USP6: variants seen among roughly 807,000 people sequenced by gnomAD.
The protein encoded by USP6 is ubiquitin carboxyl-terminal hydrolase 6.
A neutral mutation model predicts 175.7 loss-of-function variants in USP6; 128 were observed. That is an observed-to-expected ratio of 0.73 (90% CI 0.63 to 0.84). The LOEUF (loss-of-function observed/expected upper bound fraction) is 0.84, where lower values mean the gene tolerates loss of function less well. Among genes scored for constraint, USP6 ranks in the 40% least tolerant of loss-of-function variants. USP6 has a pLI of 0.00. For synonymous variants in USP6, 562 were observed against 630.6 expected (o/e 0.89, Z 1.63); for missense variants, 1,498 against 1,760.3 (o/e 0.85, Z 2.67).
rs2073304609 is a variant in USP6 at position 5,137,765 on chromosome 17, G to A, written c.925+15G>A. On this transcript the variant is annotated intron_variant, in intron 20 of 37. Coordinates refer to ENST00000574788, the MANE Select transcript of USP6 (RefSeq NM_001304284.2). ...GGTTCAGCAGAGTAAGTCTACGTGTGCCCAGTGGGGCCTGGGGAGCCCTGC... is the reference window on the plus strand; with the variant it reads ...GGTTCAGCAGAGTAAGTCTACGTGTACCCAGTGGGGCCTGGGGAGCCCTGC... 1.4e-5 allele frequency: 22 copies of A among 1,606,064 alleles called. No individual in the cohort carries two copies. Among genetic ancestry groups the A allele is most frequent in the Non-Finnish European group, 1.9e-5 (22 of 1,175,618 alleles).
chr17:5,148,638 T>C lies in USP6; in HGVS notation c.2514T>C (p.Asn838=), dbSNP rs781418704. The change falls in exon 30 of 38, where the codon AAT becomes AAC. Residue 838 remains asparagine (N), a synonymous_variant. Coordinates refer to ENST00000574788, the MANE Select transcript of USP6 (RefSeq NM_001304284.2). The part of the protein sequence containing the change: ...GDLPKPIFIP[N]GMPNTVVPCG... ...TACCCAAACCAATATTCATCCCCAA[T>C]GGAATGCCAAACACTGTTGTGCCAT... The C allele has an allele frequency of 2.5e-6, 4 of 1,613,838 alleles. No homozygotes were observed. The African/African-American group carries it at 5.3e-5, about 22-fold the overall frequency.
At chr17:5,164,551 C>A (rs1239862018) in intron 33 of USP6, among the ~76,000 whole-genome samples, 1 of 152,214 alleles carries the variant, frequency 6.6e-6, no homozygotes, top group East Asian at 1.9e-4. Context: ...CTCTTTTTAA[C>A]AAATCCAGTG....
At chr17:5,170,129 G>A (rs2074181169) in intron 35 of USP6, among the ~76,000 whole-genome samples, 1 of 149,730 alleles carries the variant, frequency 6.7e-6, no homozygotes, top group Non-Finnish European at 1.5e-5. Flanking sequence ...CACATTTTTT[G>A]TCTAATTTTA....
At chr17:5,151,460 TG>T (rs2073770802) in intron 30 of USP6, among the ~76,000 whole-genome samples, 1 of 150,824 alleles carries the variant, frequency 6.6e-6, no homozygotes, top group Admixed American at 6.6e-5. Flanking sequence ...TGTGTGTGTG[TG>T]TGTGGTGTGT....
rs754650097 is a variant in USP6, at chr17:5,132,479, A to T, written c.195+44A>T. 4.3e-6 allele frequency: 7 copies of T among 1,611,870 alleles called. No individual in the cohort carries two copies. In the South Asian group the frequency reaches 7.7e-5, roughly 18 times the overall value. ...GAGGGGCTGGTCCAGGGACGTAGGG[A>T]CTGGGCGGGTGGTCAGTGAGGCAGA... On this transcript the variant is annotated intron_variant, in intron 12 of 37. Coordinates refer to ENST00000574788, the MANE Select transcript of USP6 (RefSeq NM_001304284.2). The surrounding 1 kb of genome is among the most constrained non-coding windows in gnomAD (Gnocchi z 4.7).
rs768334987 is a variant in USP6, at chr17:5,138,105, T to C, written c.926-16T>C. 33 of 1,613,844 alleles carry C rather than the reference T, an allele frequency of 2.0e-5. No homozygotes were observed. Among genetic ancestry groups the C allele is most frequent in the African/African-American group, 1.7e-4 (13 of 74,882 alleles). On this transcript the variant is annotated splice_polypyrimidine_tract_variant and intron_variant, in intron 20 of 37. Transcript: ENST00000574788. ...CCCAGGGAACTCTCCTGGCCTGATA[T>C]CCACCCTGTCCCTAGAGCGCCTCAT...
intron 33 of USP6, among the ~76,000 whole-genome samples, chr17:5,163,364 A>G (rs2074041648): frequency 6.6e-6 from 1 of 152,204 alleles, no homozygotes; most frequent in African/African-American, 2.4e-5. Flanking sequence ...ATAACATGGC[A>G]GAGAAGAGCA....
At chr17:5,165,949 T>C (rs1461860625) in intron 33 of USP6, among the ~76,000 whole-genome samples, 2 of 152,224 alleles carry the variant, frequency 1.3e-5, no homozygotes, top group Non-Finnish European at 2.9e-5. Context: ...GAAAATATGG[T>C]CAATAAAATT....
Position 5,138,682 on chromosome 17 carries a change from A to T in USP6, c.1078+409A>T, listed in dbSNP as rs184914423. Reference sequence around the variant, plus strand: ...TGCACGCTCCTCCAAGGTTGCCAGGACAACAAGCCTTGAGCAAGGGAGACA... The same window carrying T: ...TGCACGCTCCTCCAAGGTTGCCAGGTCAACAAGCCTTGAGCAAGGGAGACA... On this transcript the variant is annotated intron_variant, in intron 21 of 37. Transcript: ENST00000574788. Among the ~76,000 whole-genome samples the T allele has an allele frequency of 8.8e-3, 1,344 of 152,302 alleles. 14 individuals are homozygous for T. The highest frequency in any genetic ancestry group is 0.024 in the Middle Eastern group (7 of 294).
At position 5,162,909 on chromosome 17, in the gene USP6, T is replaced by A; in HGVS notation, c.2941T>A (p.Cys981Ser). 2 of 1,606,508 alleles carry A rather than the reference T, an allele frequency of 1.2e-6. No individual in the cohort carries two copies. Among genetic ancestry groups the A allele is most frequent in the East Asian group, 4.5e-5 (2 of 44,304 alleles). ...ATTTTGCAGAGGCTGTAAAATTGAT[T>A]GTGGGGAAGACAGAGCTTTCATTGG... ...YRFCRGCKID[C>S]GEDRAFIGNA... is the part of the protein sequence containing the mutation. The change falls in exon 33 of 38, where the codon TGT (cysteine) becomes AGT (serine). Residue 981 changes from cysteine to serine, a missense_variant. This residue lies in a region of USP6 where 1,217 missense variants were observed against 1,500.8 expected (regional missense o/e 0.81). Transcript: ENST00000574788.
Position 5,168,977 on chromosome 17 carries a change from A to C in USP6, c.3439A>C (p.Ser1147Arg). 1 of 1,614,028 alleles carries C rather than the reference A, an allele frequency of 6.2e-7. No individual in the cohort carries two copies. The highest frequency in any genetic ancestry group is 8.5e-7 in the Non-Finnish European group (1 of 1,179,870). The change falls in exon 35 of 38, where the codon AGT (serine) becomes CGT (arginine). Residue 1147 changes from serine to arginine, a missense_variant. By Grantham distance (110) the Ser-to-Arg change is moderately radical (BLOSUM62 -1). Transcript: ENST00000574788. ...AREVKKVDAQ[S>R]SAGKEDMLLS... Reference sequence around the variant, plus strand: ...AGAGGTGAAGAAAGTGGATGCGCAGAGTTCGGCTGGAAAAGAGGACATGCT... The same window carrying C: ...AGAGGTGAAGAAAGTGGATGCGCAGCGTTCGGCTGGAAAAGAGGACATGCT...
At position 5,148,702 on chromosome 17, in the gene USP6, G is replaced by A; in HGVS notation, c.2578G>A (p.Gly860Ser). ...EKNFTNGMVNGHMPSLPDSPF... is the reference protein window; with the variant it reads ...EKNFTNGMVNSHMPSLPDSPF... ...GAACTTCACAAATGGAATGGTTAAT[G>A]GTCACATGCCATCTCTTCCTGACAG... Residue 860 changes from glycine (G) to serine (S), a missense_variant, in exon 30 of 38, where the codon GGT (glycine) becomes AGT (serine). This residue lies in a region of USP6 where 1,217 missense variants were observed against 1,500.8 expected (regional missense o/e 0.81). Transcript: ENST00000574788. 6.2e-7 allele frequency: 1 copy of A among 1,613,844 alleles called. No individual in the cohort carries two copies. The highest frequency in any genetic ancestry group is 8.5e-7 in the Non-Finnish European group (1 of 1,179,842).
intron 5 of USP6, among the ~76,000 whole-genome samples, chr17:5,125,556 C>A (rs763905530): frequency 6.6e-5 from 10 of 152,098 alleles, no homozygotes; most frequent in Non-Finnish European, 1.5e-4. Flanking sequence ...CACTCTCTTG[C>A]TGTGGTCCAA....
At chr17:5,155,399 T>C (rs202066710) in intron 30 of USP6, 23 bp from the exon 31 acceptor site, 1 of 1,610,122 alleles carries the variant, frequency 6.2e-7, no homozygotes, top group East Asian at 2.2e-5. Flanking sequence ...TTCTCAACTC[T>C]CTATTCTCGT....
chr17:5,141,615 T>G, intron 23 of USP6, 116 bp downstream of exon 23: 1 of 840,508 alleles, frequency 1.2e-6, no homozygotes, highest in Non-Finnish European at 1.7e-6. Context: ...ATTAGGGCCC[T>G]TCTTTTTCTT....
At chr17:5,149,401 T>G (rs2073701232) in intron 30 of USP6, among the ~76,000 whole-genome samples, 1 of 151,488 alleles carries the variant, frequency 6.6e-6, no homozygotes, top group African/African-American at 2.4e-5. Flanking sequence ...AGACTTCATC[T>G]CAAAAAAAAA....
chr17:5,135,024 C>T (rs1177056740), intron 15 of USP6: 6 of 538,040 alleles, frequency 1.1e-5, no homozygotes, highest in African/African-American at 1.9e-5. Context: ...TGAAAAGGAT[C>T]GGTCAACTCA....
rs1421095921 is a variant in USP6, at chr17:5,116,339, T to TCCCGGCGGCCCCCC, written c.-2329_-2328insCCCGGCGGCCCCCC. On this transcript the variant is annotated 5_prime_UTR_variant, in exon 1 of 38. The change abolishes the stop of an existing upstream ORF in the 5' untranslated region. Transcript: ENST00000574788. ...GGCGGCCCGCCTCACCACTCCCGGC[T>TCCCGGCGGCCCCCC]TCCCGGGGCTTAGGCCCGCACCATC... 5 of 139,360 alleles carry TCCCGGCGGCCCCCC rather than the reference T, an allele frequency of 3.6e-5. No individual in the cohort carries two copies. Among genetic ancestry groups the TCCCGGCGGCCCCCC allele is most frequent in the Non-Finnish European group, 6.8e-5 (4 of 59,122 alleles). 8.6% of individuals were successfully genotyped at this position (139,360 alleles called of 1,614,324 possible). A position where few individuals can be genotyped will look rare whatever the true frequency, so the allele number is the denominator to read the frequency against.
At position 5,174,719 on chromosome 17, in the gene USP6, T is replaced by C. The variant is rs2074289188; in HGVS notation, c.*1741T>C. 2 of 201,940 alleles carry C rather than the reference T, an allele frequency of 9.9e-6. No homozygotes were observed. The highest frequency in any genetic ancestry group is 1.9e-4 in the South Asian group (1 of 5,246). 12.5% of individuals were successfully genotyped at this position (201,940 alleles called of 1,614,324 possible). A position where few individuals can be genotyped will look rare whatever the true frequency, so the allele number is the denominator to read the frequency against. On this transcript the variant is annotated 3_prime_UTR_variant, in exon 38 of 38. Transcript: ENST00000574788. ...TACTAATGTTGTGTGATTTGTGTTA[T>C]ACTGGTTGTAATTAATTTTTTTAAT... is the stretch of plus-strand genomic sequence containing the variant.
Sources: gnomAD v4.1 joint callset for allele counts (sites outside exome capture counted in the v4.1 genomes callset) on GRCh38, gnomAD v4.1.1 for gene constraint, gnomAD v4.1.1 regional missense constraint, Gnocchi (gnomAD v3.1) non-coding constraint, MANE v1.5 for transcripts, NCBI Gene and HGNC (gene_info 2026-07-23, HGNC 2026-07-21) for gene names.